Variants in RHBDL3 observed in about 807,000 individuals in gnomAD.
RHBDL3 encodes rhomboid like 3.
RHBDL3 carries 28 observed loss-of-function variants against 48.2 expected under a neutral mutation model. That is an observed-to-expected ratio of 0.58 (90% CI 0.43 to 0.80). The LOEUF is 0.80. RHBDL3 is among the 30% of genes least tolerant of loss of function. The pLI is 0.00. For missense variants in RHBDL3, 464 were observed against 542.7 expected, an observed-to-expected ratio of 0.85 and a Z score of 1.44; for synonymous variants, 208 against 232.3, an observed-to-expected ratio of 0.90 and a Z score of 0.95.
chr17:32,305,147 AAGGAAGGGAGGG>A (rs1260480699), intron 6 of RHBDL3, among the ~76,000 whole-genome samples, 182 bp from the exon 7 acceptor site: 2 of 137,926 alleles, frequency 1.5e-5, no homozygotes, highest in African/African-American at 2.6e-5. Context: ...AAAGGAAAGG[AAGGAAGGGAGGG>A]AGGGAGGGAG....
intron 1 of RHBDL3, among the ~76,000 whole-genome samples, chr17:32,267,435 G>GC (rs1446785083): frequency 1.4e-5 from 2 of 143,292 alleles, no homozygotes; most frequent in African/African-American, 5.6e-5. Flanking sequence ...TCTCCTGGGG[G>GC]GGGAGGGGGG....
chr17:32,279,749 T>G (rs2039998777), intron 2 of RHBDL3, among the ~76,000 whole-genome samples: 1 of 152,192 alleles, frequency 6.6e-6, no homozygotes, highest in African/African-American at 2.4e-5. Flanking sequence ...TGAGAAGAGT[T>G]TCTGCTTGAT....
intron 8 of RHBDL3, among the ~76,000 whole-genome samples, chr17:32,320,261 T>C (rs1278070328): frequency 6.6e-6 from 1 of 152,134 alleles, no homozygotes; most frequent in Non-Finnish European, 1.5e-5. Context: ...GTGAGACCTG[T>C]GTCAACAAGA....
chr17:32,310,591 T>C (rs1032481980), intron 7 of RHBDL3, among the ~76,000 whole-genome samples: 2 of 152,138 alleles, frequency 1.3e-5, no homozygotes, highest in African/African-American at 4.8e-5. Context: ...CAGGTGCCTG[T>C]AGTCCCAGCT....
At chr17:32,287,415 T>G (rs2040223295) in intron 3 of RHBDL3, among the ~76,000 whole-genome samples, 1 of 152,138 alleles carries the variant, frequency 6.6e-6, no homozygotes, top group Non-Finnish European at 1.5e-5. Flanking sequence ...TGAGAAGAAC[T>G]AGGTCCAAGC....
intron 2 of RHBDL3, among the ~76,000 whole-genome samples, chr17:32,282,944 C>T (rs1347717800): frequency 6.6e-6 from 1 of 152,110 alleles, no homozygotes; most frequent in Non-Finnish European, 1.5e-5. Flanking sequence ...TTGAAATAGC[C>T]CATGACTGAG....
intron 7 of RHBDL3, among the ~76,000 whole-genome samples, chr17:32,312,361 G>A (rs1426960142): frequency 6.6e-6 from 1 of 152,172 alleles, no homozygotes; most frequent in Non-Finnish European, 1.5e-5. Flanking sequence ...CTTGAGCCCA[G>A]AAGGTCAAGG....
At chr17:32,275,876 T>G (rs537937439) in intron 2 of RHBDL3, among the ~76,000 whole-genome samples, 1 of 152,154 alleles carries the variant, frequency 6.6e-6, no homozygotes, top group African/African-American at 2.4e-5. Flanking sequence ...GTCAGGGGCC[T>G]GGCCTGGCCA....
chr17:32,285,441 C>T (rs2040175246), intron 3 of RHBDL3, among the ~76,000 whole-genome samples: 1 of 152,048 alleles, frequency 6.6e-6, no homozygotes, highest in Non-Finnish European at 1.5e-5. Flanking sequence ...AGAGCCAGAG[C>T]TCAGCATATC....
At chr17:32,311,911 C>T (rs540176143) in intron 7 of RHBDL3, among the ~76,000 whole-genome samples, 1 of 152,196 alleles carries the variant, frequency 6.6e-6, no homozygotes, top group Admixed American at 6.5e-5. Context: ...GTTGTTATCT[C>T]AAATTCACAA....
chr17:32,278,799 G>C (rs1267762378), intron 2 of RHBDL3, among the ~76,000 whole-genome samples: 1 of 152,140 alleles, frequency 6.6e-6, no homozygotes, highest in Non-Finnish European at 1.5e-5. Context: ...AAGTGACCAA[G>C]TTAGGACACT....
At chr17:32,277,596 G>T (rs1425162591) in intron 2 of RHBDL3, among the ~76,000 whole-genome samples, 1 of 152,232 alleles carries the variant, frequency 6.6e-6, no homozygotes, top group Non-Finnish European at 1.5e-5. Flanking sequence ...CTCAGGCTGG[G>T]CCTGGAGCCC....
chr17:32,296,944 G>A (rs1241074401), intron 5 of RHBDL3, among the ~76,000 whole-genome samples: 1 of 152,012 alleles, frequency 6.6e-6, no homozygotes, highest in Middle Eastern at 3.4e-3. Context: ...TTCCCGAGTA[G>A]CTGGGATTAC....
At chr17:32,272,794 C>G (rs954182950) in intron 2 of RHBDL3, among the ~76,000 whole-genome samples, 1 of 152,342 alleles carries the variant, frequency 6.6e-6, no homozygotes, top group Middle Eastern at 3.4e-3. Context: ...AATAGATACA[C>G]ACGTTTGAGC....
At chr17:32,294,713 A>G (rs1445427452) in intron 5 of RHBDL3, among the ~76,000 whole-genome samples, 1 of 152,198 alleles carries the variant, frequency 6.6e-6, no homozygotes, top group Non-Finnish European at 1.5e-5. Context: ...TGTACTTGCT[A>G]GACGTGGCTT....
At chr17:32,267,663 C>A in intron 1 of RHBDL3, 1 of 499,876 alleles carries the variant, frequency 2.0e-6, no homozygotes, top group Non-Finnish European at 3.0e-6. Flanking sequence ...TTGCCGCCCC[C>A]GCCCCCACCC....
At chr17:32,282,488 C>T (rs981351474) in intron 2 of RHBDL3, among the ~76,000 whole-genome samples, 1 of 152,142 alleles carries the variant, frequency 6.6e-6, no homozygotes, top group African/African-American at 2.4e-5. Context: ...GATTGCCGAG[C>T]CCAGGAGGTC....
At chr17:32,273,762 G>A (rs529943136) in intron 2 of RHBDL3, among the ~76,000 whole-genome samples, 2 of 152,274 alleles carry the variant, frequency 1.3e-5, no homozygotes, top group South Asian at 4.1e-4. Flanking sequence ...TTGAGACAGA[G>A]TCTCACCCCG....
At chr17:32,268,396 T>C (rs976564942) in intron 2 of RHBDL3, among the ~76,000 whole-genome samples, 2 of 152,174 alleles carry the variant, frequency 1.3e-5, no homozygotes, top group Admixed American at 6.5e-5. Flanking sequence ...TTCAATGTCT[T>C]TAATTCTGTC....
Sources: gnomAD v4.1 joint callset for allele counts (sites outside exome capture counted in the v4.1 genomes callset) on GRCh38, gnomAD v4.1.1 for gene constraint, MANE v1.5 for transcripts, NCBI Gene and HGNC (gene_info 2026-07-23, HGNC 2026-07-21) for gene names.